The following XPO6 variants were observed in gnomAD, a reference collection of about 807,000 sequenced individuals.
XPO6 encodes exportin-6.
A neutral mutation model predicts 130.0 loss-of-function variants in XPO6; 3 were observed. That is an observed-to-expected ratio of 0.02 (90% CI 0.01 to 0.06). The LOEUF (loss-of-function observed/expected upper bound fraction) is 0.06. Ranked by LOEUF, XPO6 falls within the 10% of genes least tolerant of loss-of-function variation. XPO6 has a pLI of 1.00. For missense variants in XPO6, 970 were observed against 1,393.0 expected (o/e 0.70, Z 4.83); for synonymous variants, 524 against 548.9 (o/e 0.95, Z 0.63).
intron 3 of XPO6, 23 bp downstream of exon 3, chr16:28,177,197 G>A: frequency 6.6e-7 from 1 of 1,522,684 alleles, no homozygotes; most frequent in Non-Finnish European, 9.0e-7. Context: ...TTTCAGAAGA[G>A]TATAAAATTA....
chr16:28,186,374 C>CTTTTTTTCTTTTTTTTTTTTTTTTTT (rs2043693916), intron 1 of XPO6, among the ~76,000 whole-genome samples: 1 of 81,442 alleles, frequency 1.2e-5, no homozygotes, highest in African/African-American at 6.6e-5. Context: ...CCCAGTTATT[C>CTTTTTTTCTTTTTTTTTTTTTTTTTT]TTTTTTTTTT....
chr16:28,210,687 G>C (rs564096904), intron 1 of XPO6, among the ~76,000 whole-genome samples: 5 of 152,332 alleles, frequency 3.3e-5, no homozygotes, highest in African/African-American at 1.2e-4. Flanking sequence ...GAAAGTATCG[G>C]TCTAGAAAAC....
At chr16:28,108,498 G>C (rs970386510) in intron 17 of XPO6, among the ~76,000 whole-genome samples, 34 of 152,174 alleles carry the variant, frequency 2.2e-4, no homozygotes, top group Admixed American at 2.2e-3. Context: ...ACAAGGTCCC[G>C]AACGATGCTA....
chr16:28,145,467 T>C (rs1453895647), intron 9 of XPO6, among the ~76,000 whole-genome samples: 1 of 152,120 alleles, frequency 6.6e-6, no homozygotes, highest in Non-Finnish European at 1.5e-5. Context: ...AACAAACCAT[T>C]CCGCATTCTC....
chr16:28,133,038 G>A (rs2042704707), intron 11 of XPO6, among the ~76,000 whole-genome samples: 1 of 152,220 alleles, frequency 6.6e-6, no homozygotes, highest in South Asian at 2.1e-4. Flanking sequence ...GTCATTCAAT[G>A]CAAAAGATGA....
At chr16:28,163,428 C>T (rs2043308455) in intron 6 of XPO6, among the ~76,000 whole-genome samples, 1 of 152,204 alleles carries the variant, frequency 6.6e-6, no homozygotes, top group African/African-American at 2.4e-5. Context: ...GATATGGTCC[C>T]TTAATTTTAC....
intron 7 of XPO6, chr16:28,153,823 T>A (rs1413412299): frequency 1.0e-6 from 1 of 985,204 alleles, no homozygotes. Flanking sequence ...AACAGAGATA[T>A]GTGAAATAAT....
In XPO6 at chr16:28,156,322, G is replaced by C. The variant is rs749437328; in HGVS notation, c.849C>G (p.Asp283Glu). 1 of 1,613,982 alleles carries C rather than the reference G, an allele frequency of 6.2e-7. No individual in the cohort carries two copies. Among genetic ancestry groups the C allele is most frequent in the Non-Finnish European group, 8.5e-7 (1 of 1,180,014 alleles). Residue 283 changes from aspartate (D) to glutamate (E), a missense_variant, in exon 7 of 24, where the codon GAC (aspartate) becomes GAG (glutamate). Asp to Glu is a conservative substitution (Grantham distance 45). This residue lies in a region of XPO6 where 936 missense variants were observed against 1,306.8 expected (regional missense o/e 0.72). Transcript: ENST00000304658. The stretch of plus-strand genomic sequence containing the variant: ...CTGACGCCATCTTTCTGGCCCGGAT[G>C]TCACAGCCAAATCGTGCAAAGTGGA... ...TIFHFARFGC[D>E]IRARKMASVN...
chr16:28,134,072 A>T, intron 10 of XPO6, 139 bp from the exon 11 acceptor site: 1 of 758,576 alleles, frequency 1.3e-6, no homozygotes, highest in Non-Finnish European at 2.1e-6. Context: ...TAAAAAGGCC[A>T]AGCTAGAATT....
At position 28,186,374 on chromosome 16, in the gene XPO6, C is replaced by CTTTTTTTTTTT. The variant is rs60754642; in HGVS notation, c.4-5354_4-5344dup. On this transcript the variant is annotated intron_variant, in intron 1 of 23. Coordinates refer to ENST00000304658, the MANE Select transcript of XPO6 (RefSeq NM_015171.4). ...TATAGATTTTTCTGCCCCAGTTATTCTTTTTTTTTTTTTTTTTGCTAAAGA... is the reference window on the plus strand; with the variant it reads ...TATAGATTTTTCTGCCCCAGTTATTCTTTTTTTTTTTTTTTTTTTTTTTTTTTTGCTAAAGA... 4.5e-4 allele frequency among the ~76,000 whole-genome samples: 37 copies of CTTTTTTTTTTT among 81,414 alleles called. 2 individuals carry two copies. The highest frequency in any genetic ancestry group is 7.1e-4 in the South Asian group (2 of 2,822). 53.4% of individuals were successfully genotyped at this position (81,414 alleles called of 152,430 possible). A position where few individuals can be genotyped will look rare whatever the true frequency, so the allele number is the denominator to read the frequency against.
chr16:28,119,735 G>T (rs2087178852), intron 14 of XPO6, among the ~76,000 whole-genome samples: 1 of 152,152 alleles, frequency 6.6e-6, no homozygotes, highest in South Asian at 2.1e-4. Context: ...TGACATTATT[G>T]TATGTATTAA....
At chr16:28,144,590 T>G (rs2042951230) in intron 9 of XPO6, among the ~76,000 whole-genome samples, 1 of 152,208 alleles carries the variant, frequency 6.6e-6, no homozygotes, top group Admixed American at 6.5e-5. Context: ...TTTAGAATTT[T>G]TTAAACTCAT....
chr16:28,101,406 G>C lies in XPO6; in HGVS notation c.3276+52C>G. On this transcript the variant is annotated intron_variant, in intron 23 of 23. Transcript: ENST00000304658. This position sits in a 1 kb window ranked among gnomAD's most constrained non-coding sequence, Gnocchi z 5.4. ...CCCCTCCTTGCTGCACAGGTGCCAGGCTTGCGTGCCCACTCTGCCCTCCTC... is the reference window on the plus strand; with the variant it reads ...CCCCTCCTTGCTGCACAGGTGCCAGCCTTGCGTGCCCACTCTGCCCTCCTC... The C allele has an allele frequency of 6.6e-7, 1 of 1,523,794 alleles. No individual in the cohort carries two copies. Among genetic ancestry groups the C allele is most frequent in the Non-Finnish European group, 9.1e-7 (1 of 1,099,268 alleles). 94.4% of individuals were successfully genotyped at this position (1,523,794 alleles called of 1,614,324 possible). A position where few individuals can be genotyped will look rare whatever the true frequency, so the allele number is the denominator to read the frequency against.
chr16:28,160,512 A>AAAAAAAAG (rs2043260228), intron 6 of XPO6, among the ~76,000 whole-genome samples: 1 of 151,600 alleles, frequency 6.6e-6, no homozygotes, highest in South Asian at 2.1e-4. Context: ...ACCAAAAAAA[A>AAAAAAAAG]AAAAAAAATC....
intron 9 of XPO6, among the ~76,000 whole-genome samples, chr16:28,140,279 A>G (rs567238418): frequency 6.6e-6 from 1 of 152,198 alleles, no homozygotes; most frequent in East Asian, 1.9e-4. Flanking sequence ...GAAAACAATA[A>G]CAAAAAGGTA....
At chr16:28,172,332 G>A (rs1374447191) in intron 4 of XPO6, among the ~76,000 whole-genome samples, 1 of 152,182 alleles carries the variant, frequency 6.6e-6, no homozygotes, top group Non-Finnish European at 1.5e-5. Flanking sequence ...GCTCCTGCAG[G>A]TTGAAGAACA....
intron 14 of XPO6, among the ~76,000 whole-genome samples, chr16:28,118,976 T>C (rs1254320965): frequency 6.6e-6 from 1 of 152,220 alleles, no homozygotes; most frequent in East Asian, 1.9e-4. Flanking sequence ...CTAGGAGCTT[T>C]CAGCAGACAG....
Position 28,156,586 on chromosome 16 carries a change from A to C in XPO6, c.644-59T>G, listed in dbSNP as rs1176601469. On this transcript the variant is annotated intron_variant, in intron 6 of 23. Transcript: ENST00000304658. ...ATCAAATCTCTTACAAATGACTTTA[A>C]GTAATTCTCCTTCAAAAAAATATAT... 6.1e-6 allele frequency: 8 copies of C among 1,304,392 alleles called. No homozygotes were observed. In the Admixed American group the frequency reaches 1.6e-4, roughly 26 times the overall value. 80.8% of individuals were successfully genotyped at this position (1,304,392 alleles called of 1,614,324 possible). A position where few individuals can be genotyped will look rare whatever the true frequency, so the allele number is the denominator to read the frequency against.
Position 28,164,713 on chromosome 16 carries a change from T to C in XPO6, c.643+1795A>G, listed in dbSNP as rs143230064. Among the ~76,000 whole-genome samples, 248 of 152,314 alleles carry C rather than the reference T, an allele frequency of 1.6e-3. 2 individuals are homozygous for C. Among genetic ancestry groups the C allele is most frequent in the African/African-American group, 5.3e-3 (219 of 41,572 alleles). On this transcript the variant is annotated intron_variant, in intron 6 of 23. Transcript: ENST00000304658. ...AAACCTAGGCAACACATGGAAGAAG[T>C]AAGCACATATCTCTGGTTTGTATTA...
Sources: gnomAD v4.1 joint callset for allele counts (sites outside exome capture counted in the v4.1 genomes callset) on GRCh38, gnomAD v4.1.1 for gene constraint, gnomAD v4.1.1 regional missense constraint, Gnocchi (gnomAD v3.1) non-coding constraint, MANE v1.5 for transcripts, NCBI Gene and HGNC (gene_info 2026-07-23, HGNC 2026-07-21) for gene names.